The following TBC1D19 variants were observed in gnomAD, a reference collection of about 807,000 sequenced individuals.
TBC1D19 encodes the protein TBC1 domain family, member 19.
TBC1D19 carries 60 observed loss-of-function variants against 89.0 expected under a neutral mutation model. The observed-to-expected ratio is 0.67, with a 90% confidence interval of 0.55 to 0.84. The LOEUF (loss-of-function observed/expected upper bound fraction) is 0.84, where lower values mean the gene tolerates loss of function less well. Among genes scored for constraint, TBC1D19 ranks in the 40% least tolerant of loss-of-function variants. The probability of loss-of-function intolerance (pLI) is 0.00; values close to 1 mark genes in which losing one functional copy is unlikely to be tolerated. For missense variants in TBC1D19, 500 were observed against 610.8 expected (o/e 0.82, Z 1.91); for synonymous variants, 189 against 199.7 (o/e 0.95, Z 0.45).
At chr4:26,746,232 ATTT>A (rs11315419) in intron 18 of TBC1D19, among the ~76,000 whole-genome samples, 11 of 131,980 alleles carry the variant, frequency 8.3e-5, no homozygotes, top group South Asian at 4.7e-4. Context: ...TTGCAGGTCT[ATTT>A]TTTTTTTTTT....
At chr4:26,787,680 C>T in the TBC1D19 span, among the ~76,000 whole-genome samples, 259 of 152,120 alleles carry the variant, frequency 1.7e-3, 1 homozygote, top group Middle Eastern at 0.01. Flanking sequence ...TGTCAAGTCA[C>T]GAGATTTGGC....
At chr4:26,675,962 T>G (rs1712764677) in intron 11 of TBC1D19, among the ~76,000 whole-genome samples, 1 of 152,198 alleles carries the variant, frequency 6.6e-6, no homozygotes, top group Admixed American at 6.5e-5. Context: ...TATATTTCCT[T>G]TTCTACGCAT....
intron 13 of TBC1D19, among the ~76,000 whole-genome samples, chr4:26,707,417 T>G (rs1031522280): frequency 6.6e-6 from 1 of 152,028 alleles, no homozygotes; most frequent in Non-Finnish European, 1.5e-5. Context: ...TTTAATATAT[T>G]TATGTCTTTA....
At chr4:26,855,162 T>C in the TBC1D19 span, among the ~76,000 whole-genome samples, 4 of 152,308 alleles carry the variant, frequency 2.6e-5, no homozygotes, top group East Asian at 5.8e-4. Flanking sequence ...GAAGGAATTG[T>C]TGAAGGAAAT....
intron 1 of TBC1D19, chr4:26,576,931 T>A: frequency 2.2e-6 from 1 of 444,818 alleles, no homozygotes. Flanking sequence ...CAAACAGTAA[T>A]CTAGGTGTTG....
chr4:26,720,514 T>C (rs1475162866), intron 15 of TBC1D19, among the ~76,000 whole-genome samples: 1 of 152,130 alleles, frequency 6.6e-6, no homozygotes, highest in Non-Finnish European at 1.5e-5. Context: ...ATTTGACCAA[T>C]GTAGTATTTA....
At chr4:26,839,321 C>A in the TBC1D19 span, among the ~76,000 whole-genome samples, 1 of 152,094 alleles carries the variant, frequency 6.6e-6, no homozygotes, top group Non-Finnish European at 1.5e-5. Flanking sequence ...TTTCTAACCA[C>A]CAATTCCAAC....
chr4:26,745,551 A>G (rs1307979549), intron 18 of TBC1D19, among the ~76,000 whole-genome samples: 1 of 111,014 alleles, frequency 9.0e-6, no homozygotes, highest in African/African-American at 3.5e-5. Flanking sequence ...TCTGTCACCC[A>G]GGCTGGAGTG....
chr4:26,752,667 C>T (rs1283758111), intron 19 of TBC1D19, among the ~76,000 whole-genome samples: 2 of 152,194 alleles, frequency 1.3e-5, no homozygotes, highest in Non-Finnish European at 2.9e-5. Flanking sequence ...CAAGCAGTAC[C>T]ATCTCCTTAT....
chr4:26,811,845 G>A, the TBC1D19 span, among the ~76,000 whole-genome samples: 1 of 152,198 alleles, frequency 6.6e-6, no homozygotes, highest in Admixed American at 6.5e-5. Flanking sequence ...GGTCACTCTT[G>A]TTGCCATCTT....
chr4:26,733,355 G>A (rs891592066), intron 15 of TBC1D19, among the ~76,000 whole-genome samples: 1 of 152,162 alleles, frequency 6.6e-6, no homozygotes, highest in African/African-American at 2.4e-5. Flanking sequence ...TAATGGCTGA[G>A]CCACAACTGT....
rs61054571 is a variant in TBC1D19 at position 26,673,446 on chromosome 4, T to TACAC, written c.704-304_704-301dup. Among the ~76,000 whole-genome samples, 236 of 90,874 alleles carry TACAC rather than the reference T, an allele frequency of 2.6e-3. 2 individuals carry two copies. The highest frequency in any genetic ancestry group is 6.7e-3 in the Middle Eastern group (1 of 150). 59.6% of individuals were successfully genotyped at this position (90,874 alleles called of 152,430 possible). A position where few individuals can be genotyped will look rare whatever the true frequency, so the allele number is the denominator to read the frequency against. On this transcript the variant is annotated intron_variant, in intron 10 of 20. Transcript: ENST00000264866. Reference sequence around the variant, plus strand: ...TTTCATATATATATATATATATATATACACACACACACACACACACACACA... The same window carrying TACAC: ...TTTCATATATATATATATATATATATACACACACACACACACACACACACACACA...
At chr4:26,695,140 A>G (rs1293154538) in intron 13 of TBC1D19, among the ~76,000 whole-genome samples, 1 of 152,130 alleles carries the variant, frequency 6.6e-6, no homozygotes, top group Non-Finnish European at 1.5e-5. Flanking sequence ...AACTAGAATA[A>G]CCACTGTAGA....
chr4:26,594,231 A>G (rs547636289), intron 1 of TBC1D19, among the ~76,000 whole-genome samples: 124 of 152,310 alleles, frequency 8.1e-4, no homozygotes, highest in Non-Finnish European at 1.6e-3. Flanking sequence ...TCAGCAAACT[A>G]TCGCATGGAC....
chr4:26,647,165 G>T (rs920206777), intron 7 of TBC1D19, among the ~76,000 whole-genome samples: 1 of 152,050 alleles, frequency 6.6e-6, no homozygotes, highest in Non-Finnish European at 1.5e-5. Flanking sequence ...GGGTCTATGA[G>T]AAAAAGAAAA....
chr4:26,819,165 C>A, the TBC1D19 span, among the ~76,000 whole-genome samples: 4 of 152,236 alleles, frequency 2.6e-5, no homozygotes, highest in African/African-American at 9.6e-5. Flanking sequence ...GAGTAGCTGA[C>A]CTTTTCTTTT....
chr4:26,698,548 T>C (rs1461186180), intron 13 of TBC1D19, among the ~76,000 whole-genome samples: 1 of 152,106 alleles, frequency 6.6e-6, no homozygotes, highest in African/African-American at 2.4e-5. Context: ...TGAGCCCACA[T>C]CGCCAAGACA....
At chr4:26,817,968 TAA>T in the TBC1D19 span, among the ~76,000 whole-genome samples, 268 of 119,180 alleles carry the variant, frequency 2.2e-3, 1 homozygote, top group African/African-American at 6.9e-3. Context: ...AAACTCCATT[TAA>T]AAAAAAAAAA....
At chr4:26,629,252 G>A (rs1221930867) in intron 4 of TBC1D19, among the ~76,000 whole-genome samples, 3 of 151,990 alleles carry the variant, frequency 2.0e-5, no homozygotes, top group African/African-American at 7.2e-5. Flanking sequence ...CATCATTTAT[G>A]TTATCAAGTG....
Sources: gnomAD v4.1 joint callset for allele counts (sites outside exome capture counted in the v4.1 genomes callset) on GRCh38, gnomAD v4.1.1 for gene constraint, MANE v1.5 for transcripts, NCBI Gene and HGNC (gene_info 2026-07-23, HGNC 2026-07-21) for gene names.